Variants in ADGRA3 observed in about 807,000 individuals in gnomAD.
The protein encoded by ADGRA3 is adhesion G protein-coupled receptor A3, also known as G-protein coupled receptor 125.
A neutral mutation model predicts 119.8 loss-of-function variants in ADGRA3; 56 were observed. The ratio of observed to expected loss-of-function variants is 0.47; its 90% CI spans 0.38 to 0.58. ADGRA3 has a LOEUF of 0.58. Ranked by LOEUF, ADGRA3 falls within the 20% of genes least tolerant of loss-of-function variation. The pLI, the probability that ADGRA3 is intolerant of heterozygous loss-of-function variation, is 0.00. For missense variants in ADGRA3, 1,516 were observed against 1,649.0 expected, an observed-to-expected ratio of 0.92 and a Z score of 1.40; for synonymous variants, 607 against 623.8, an observed-to-expected ratio of 0.97 and a Z score of 0.40.
rs765544362 is a variant in ADGRA3 at position 22,388,622 on chromosome 4, C to G, written c.3049G>C (p.Val1017Leu). The G allele has an allele frequency of 1.1e-5, 18 of 1,613,938 alleles. No individual in the cohort carries two copies. Among genetic ancestry groups the G allele is most frequent in the Non-Finnish European group, 1.5e-5 (18 of 1,180,018 alleles). Residue 1017 changes from valine to leucine, a missense_variant, in exon 19 of 19, where the codon GTT (valine) becomes CTT (leucine). This residue lies in a region of ADGRA3 where 1,088 missense variants were observed against 1,107.1 expected (regional missense o/e 0.98). Coordinates refer to ENST00000334304, the MANE Select transcript of ADGRA3 (RefSeq NM_145290.4). ...AAGTCCAAAGGGTAATACAAAGAAA[C>G]AGCCAAAGCCCCAAACATCCACAGT... Reference protein sequence around the residue: ...VALWMFGALAVSLYYPLDLVF... With the variant: ...VALWMFGALALSLYYPLDLVF...
intron 2 of ADGRA3, among the ~76,000 whole-genome samples, chr4:22,471,005 G>C (rs1353256770): frequency 6.6e-6 from 1 of 152,102 alleles, no homozygotes; most frequent in African/African-American, 2.4e-5. Flanking sequence ...GGGTGGATGG[G>C]GTGGCTTCCA....
intron 11 of ADGRA3, among the ~76,000 whole-genome samples, chr4:22,422,227 T>G (rs894161485): frequency 6.6e-6 from 1 of 152,178 alleles, no homozygotes; most frequent in Non-Finnish European, 1.5e-5. Context: ...AAGGCACCAT[T>G]CTACGTATCA....
chr4:22,464,809 C>T (rs1423187608), intron 2 of ADGRA3, among the ~76,000 whole-genome samples: 1 of 152,210 alleles, frequency 6.6e-6, no homozygotes, highest in Non-Finnish European at 1.5e-5. Context: ...CCCAGCAGTC[C>T]CCAGTATCAG....
At chr4:22,389,061 A>G (rs2108990216) in intron 18 of ADGRA3, 27 bp downstream of exon 18, 1 of 1,605,108 alleles carries the variant, frequency 6.2e-7, no homozygotes, top group East Asian at 2.2e-5. Flanking sequence ...AACTGGGTCA[A>G]GTACACAGAG....
intron 7 of ADGRA3, among the ~76,000 whole-genome samples, chr4:22,441,131 G>C (rs1354328523): frequency 6.6e-6 from 1 of 152,040 alleles, no homozygotes; most frequent in Non-Finnish European, 1.5e-5. Context: ...CCAAGGGTAG[G>C]CCTCACTCAA....
chr4:22,420,159 G>T (rs1006466631), intron 12 of ADGRA3: 8 of 152,174 alleles, frequency 5.3e-5, no homozygotes, highest in African/African-American at 1.9e-4. Flanking sequence ...ATTATTGAGG[G>T]ACAAGACAGA....
At chr4:22,449,472 A>G (rs748424445) in intron 4 of ADGRA3, among the ~76,000 whole-genome samples, 1 of 152,110 alleles carries the variant, frequency 6.6e-6, no homozygotes, top group African/African-American at 2.4e-5. Context: ...TATATGTACA[A>G]TTGTCTCCGA....
At chr4:22,493,009 A>AG (rs11402345) in intron 1 of ADGRA3, among the ~76,000 whole-genome samples, 149,745 of 152,280 alleles carry the variant, frequency 0.98, 73,677 homozygotes, top group Middle Eastern at 1. Flanking sequence ...TCTGTCACCC[A>AG]GGTGGAGTGC....
At chr4:22,502,187 A>C (rs1719069751) in intron 1 of ADGRA3, among the ~76,000 whole-genome samples, 1 of 152,238 alleles carries the variant, frequency 6.6e-6, no homozygotes, top group South Asian at 2.1e-4. Context: ...AAACCACGTA[A>C]GGGTGAAAGA....
chr4:22,403,392 TAAGTC>T (rs1714755135), intron 14 of ADGRA3, among the ~76,000 whole-genome samples: 1 of 151,856 alleles, frequency 6.6e-6, no homozygotes, highest in Admixed American at 6.6e-5. Flanking sequence ...TTGATGAAGA[TAAGTC>T]AAGCACAATT....
At chr4:22,499,340 C>T (rs1435541128) in intron 1 of ADGRA3, among the ~76,000 whole-genome samples, 2 of 152,148 alleles carry the variant, frequency 1.3e-5, no homozygotes, top group Non-Finnish European at 2.9e-5. Context: ...TCAAAAACCT[C>T]GTTTTACTAG....
chr4:22,429,905 G>A (rs1262524083), intron 10 of ADGRA3, among the ~76,000 whole-genome samples: 3 of 152,266 alleles, frequency 2.0e-5, no homozygotes, highest in African/African-American at 4.8e-5. Flanking sequence ...ATCTTGAATT[G>A]TAACTCCCAC....
At chr4:22,466,696 G>C (rs1357161960) in intron 2 of ADGRA3, among the ~76,000 whole-genome samples, 1 of 151,476 alleles carries the variant, frequency 6.6e-6, no homozygotes, top group African/African-American at 2.4e-5. Context: ...CTTGGCGACA[G>C]ATCAAGACTC....
At chr4:22,441,568 G>A (rs1716613188) in intron 7 of ADGRA3, among the ~76,000 whole-genome samples, 1 of 152,150 alleles carries the variant, frequency 6.6e-6, no homozygotes, top group South Asian at 2.1e-4. Flanking sequence ...CCGTGGGCCA[G>A]ATTTGGTTCA....
intron 14 of ADGRA3, among the ~76,000 whole-genome samples, chr4:22,404,907 GAACT>G (rs1390713237): frequency 6.6e-6 from 1 of 152,166 alleles, no homozygotes; most frequent in Non-Finnish European, 1.5e-5. Context: ...TTCCAGTACA[GAACT>G]AATAACTGAG....
intron 12 of ADGRA3, 149 bp from the exon 13 acceptor site, chr4:22,413,963 TCA>T: frequency 1.8e-6 from 1 of 561,186 alleles, no homozygotes; most frequent in South Asian, 2.7e-5. Context: ...AAAAAAATCA[TCA>T]GTCAAGCGAA....
chr4:22,430,322 G>A (rs1716110458), intron 10 of ADGRA3, among the ~76,000 whole-genome samples: 1 of 152,212 alleles, frequency 6.6e-6, no homozygotes, highest in South Asian at 2.1e-4. Flanking sequence ...CAGTCTGAGG[G>A]CTCAGAAGAA....
chr4:22,454,118 C>T lies in ADGRA3; in HGVS notation c.473+748G>A, dbSNP rs375549501. ...TCAACTGATCTGTCTGCCTCGGCCT[C>T]GCAAAGTGCTGGGATTACAGGCGTG... On this transcript the variant is annotated intron_variant, in intron 4 of 18. Coordinates refer to ENST00000334304, the MANE Select transcript of ADGRA3 (RefSeq NM_145290.4). Among the ~76,000 whole-genome samples, 156 of 152,222 alleles carry T rather than the reference C, an allele frequency of 1.0e-3. 1 individual carries two copies. Among genetic ancestry groups the T allele is most frequent in the Non-Finnish European group, 1.7e-3 (114 of 68,018 alleles).
chr4:22,445,258 A>G (rs1281305995), intron 5 of ADGRA3, 125 bp from the exon 6 acceptor site: 5 of 779,964 alleles, frequency 6.4e-6, no homozygotes, highest in East Asian at 2.7e-5. Flanking sequence ...CCTAAAGTAC[A>G]TTTCATCAAC....
Sources: gnomAD v4.1 joint callset for allele counts (sites outside exome capture counted in the v4.1 genomes callset) on GRCh38, gnomAD v4.1.1 for gene constraint, gnomAD v4.1.1 regional missense constraint, MANE v1.5 for transcripts, NCBI Gene and HGNC (gene_info 2026-07-23, HGNC 2026-07-21) for gene names.